KCTD8: variants seen among roughly 807,000 people sequenced by gnomAD.
KCTD8 encodes the protein BTB/POZ domain-containing protein KCTD8.
In KCTD8, 27 loss-of-function variants were observed where a neutral mutation model predicts 31.5. The observed-to-expected ratio is 0.86, with a 90% confidence interval of 0.63 to 1.18. The LOEUF (loss-of-function observed/expected upper bound fraction) is 1.18, where lower values mean the gene tolerates loss of function less well. KCTD8 is among the 50% of genes most tolerant of loss of function. The probability of loss-of-function intolerance (pLI) is 0.00; values close to 1 mark genes in which losing one functional copy is unlikely to be tolerated. For synonymous variants in KCTD8, 290 were observed against 280.0 expected (o/e 1.04, Z -0.36); for missense variants, 658 against 647.7 (o/e 1.02, Z -0.17).
At chr4:44,208,057 T>C (rs1463139633) in intron 1 of KCTD8, among the ~76,000 whole-genome samples, 2 of 152,126 alleles carry the variant, frequency 1.3e-5, no homozygotes, top group Non-Finnish European at 2.9e-5. Context: ...TTCCAGGAGA[T>C]TGTGATAGGC....
At chr4:44,408,700 C>A (rs866592485) in intron 1 of KCTD8, among the ~76,000 whole-genome samples, 2 of 152,094 alleles carry the variant, frequency 1.3e-5, no homozygotes, top group Non-Finnish European at 2.9e-5. Context: ...CACACTGCAA[C>A]CTCTGACTCC....
At chr4:44,437,071 T>TC (rs1015952190) in intron 1 of KCTD8, among the ~76,000 whole-genome samples, 1 of 151,846 alleles carries the variant, frequency 6.6e-6, no homozygotes. Flanking sequence ...TTTTTTTTTT[T>TC]TTAACCAAAG....
chr4:44,267,488 G>C lies in KCTD8; in HGVS notation c.962-92238C>G, dbSNP rs563303919. Among the ~76,000 whole-genome samples the C allele has an allele frequency of 2.1e-3, 322 of 152,168 alleles. 2 individuals are homozygous for C. The highest frequency in any genetic ancestry group is 3.4e-3 in the Non-Finnish European group (231 of 68,006). On this transcript the variant is annotated intron_variant, in intron 1 of 1. Transcript: ENST00000360029. ...CCTAACATCACAATTAAAAGAACTG[G>C]AAAAGCAAGAGCAAACACATTCAAA... is the stretch of plus-strand genomic sequence containing the variant.
chr4:44,408,908 C>A (rs1036865937), intron 1 of KCTD8, among the ~76,000 whole-genome samples: 1 of 151,822 alleles, frequency 6.6e-6, no homozygotes, highest in African/African-American at 2.4e-5. Flanking sequence ...TGAGCCACTG[C>A]GCCCGGCCTA....
At chr4:44,323,786 T>A (rs1718367950) in intron 1 of KCTD8, among the ~76,000 whole-genome samples, 2 of 151,818 alleles carry the variant, frequency 1.3e-5, no homozygotes, top group South Asian at 4.1e-4. Flanking sequence ...TTTGGGCAAA[T>A]AATAGTCTCA....
chr4:44,178,897 T>A (rs1713294467), intron 1 of KCTD8, among the ~76,000 whole-genome samples: 1 of 152,200 alleles, frequency 6.6e-6, no homozygotes, highest in Admixed American at 6.5e-5. Context: ...AAGAGATCAA[T>A]GAATTCAGCT....
intron 1 of KCTD8, among the ~76,000 whole-genome samples, chr4:44,232,044 G>A (rs1715132806): frequency 6.6e-6 from 1 of 151,970 alleles, no homozygotes; most frequent in African/African-American, 2.4e-5. Flanking sequence ...AGAAAGATTT[G>A]GGCAGAAGGG....
chr4:44,381,027 G>T (rs2109442647), intron 1 of KCTD8, among the ~76,000 whole-genome samples: 1 of 152,002 alleles, frequency 6.6e-6, no homozygotes, highest in African/African-American at 2.4e-5. Context: ...GTCTACCTCA[G>T]CTATCTAATT....
chr4:44,359,560 T>C (rs1363296512), intron 1 of KCTD8, among the ~76,000 whole-genome samples: 1 of 152,188 alleles, frequency 6.6e-6, no homozygotes, highest in Non-Finnish European at 1.5e-5. Flanking sequence ...TCTCTTGTAC[T>C]GAAGTAAAAT....
chr4:44,414,762 T>C (rs1314654036), intron 1 of KCTD8, among the ~76,000 whole-genome samples: 3 of 152,196 alleles, frequency 2.0e-5, no homozygotes, highest in African/African-American at 7.2e-5. Context: ...CTCTCCAGTG[T>C]TGAAGGTAGG....
At chr4:44,400,941 A>G (rs1014007577) in intron 1 of KCTD8, among the ~76,000 whole-genome samples, 1 of 151,316 alleles carries the variant, frequency 6.6e-6, no homozygotes, top group African/African-American at 2.4e-5. Flanking sequence ...GGCTCAAGCA[A>G]TCCCTCTGCC....
chr4:44,224,491 GGATAATGTCA>G (rs1433004323), intron 1 of KCTD8, among the ~76,000 whole-genome samples: 1 of 151,332 alleles, frequency 6.6e-6, no homozygotes, highest in Non-Finnish European at 1.5e-5. Context: ...GCGTTTGTTA[GGATAATGTCA>G]GACAATCTCT....
intron 1 of KCTD8, among the ~76,000 whole-genome samples, chr4:44,372,472 A>G (rs545314097): frequency 1.8e-4 from 27 of 152,338 alleles, no homozygotes; most frequent in African/African-American, 6.0e-4. Context: ...AGGCAGCCTT[A>G]TAGAGGAGGT....
chr4:44,282,388 G>C (rs1716926633), intron 1 of KCTD8, among the ~76,000 whole-genome samples: 1 of 152,024 alleles, frequency 6.6e-6, no homozygotes, highest in Non-Finnish European at 1.5e-5. Flanking sequence ...TTAATTGCTA[G>C]ATATTATGTG....
intron 1 of KCTD8, among the ~76,000 whole-genome samples, chr4:44,361,959 A>T (rs1311513605): frequency 6.6e-6 from 1 of 152,140 alleles, no homozygotes; most frequent in Non-Finnish European, 1.5e-5. Context: ...GAGCCCCACG[A>T]ATCTCAGAAA....
At position 44,226,890 on chromosome 4, in the gene KCTD8, T is replaced by C. The variant is rs896798076; in HGVS notation, c.962-51640A>G. 1.2e-4 allele frequency among the ~76,000 whole-genome samples: 19 copies of C among 152,134 alleles called. No individual in the cohort carries two copies. The East Asian group carries it at 3.5e-3, about 28-fold the overall frequency. ...TTGCCCACTTTTAGATGGAGTTGTT[T>C]TTTTTTTCTTGTAAATATGTTTAAG... On this transcript the variant is annotated intron_variant, in intron 1 of 1. Transcript: ENST00000360029.
chr4:44,315,293 T>A (rs769802234), intron 1 of KCTD8, among the ~76,000 whole-genome samples: 5 of 152,052 alleles, frequency 3.3e-5, no homozygotes, highest in Non-Finnish European at 7.4e-5. Context: ...TCTTAAAAAA[T>A]TTTAAGAAAA....
At chr4:44,381,960 C>T (rs925676063) in intron 1 of KCTD8, among the ~76,000 whole-genome samples, 2 of 151,946 alleles carry the variant, frequency 1.3e-5, no homozygotes, top group African/African-American at 4.8e-5. Flanking sequence ...AACTCAAGAA[C>T]AGACTAATAC....
chr4:44,284,796 C>CA (rs1717007009), intron 1 of KCTD8, among the ~76,000 whole-genome samples: 1 of 151,980 alleles, frequency 6.6e-6, no homozygotes, highest in Non-Finnish European at 1.5e-5. Flanking sequence ...ACAGCCCCAT[C>CA]AAAAAATGGG....
Sources: allele counts gnomAD v4.1 joint callset (sites outside exome capture counted in the v4.1 genomes callset), GRCh38; gene constraint gnomAD v4.1.1; transcripts MANE v1.5; gene names NCBI Gene and HGNC (gene_info 2026-07-23, HGNC 2026-07-21).